The following SYT17 variants were observed in gnomAD, a reference collection of about 807,000 sequenced individuals.
SYT17 encodes the protein synaptotagmin-17.
Under a neutral mutation model 46.7 loss-of-function variants are expected in SYT17, and 22 were observed. That is an observed-to-expected ratio of 0.47 (90% CI 0.34 to 0.67). The LOEUF (loss-of-function observed/expected upper bound fraction) is 0.67, where lower values mean the gene tolerates loss of function less well. SYT17 is among the 30% of genes least tolerant of loss of function. The probability of loss-of-function intolerance (pLI) is 0.01; values close to 1 mark genes in which losing one functional copy is unlikely to be tolerated. For missense variants in SYT17, 519 were observed against 612.8 expected (o/e 0.85, Z 1.62); for synonymous variants, 251 against 248.4 (o/e 1.01, Z -0.10).
intron 5 of SYT17, among the ~76,000 whole-genome samples, chr16:19,184,820 T>C (rs935477852): frequency 2.0e-5 from 3 of 152,094 alleles, no homozygotes; most frequent in African/African-American, 7.2e-5. Flanking sequence ...CAGAAATTGA[T>C]TTTTTTGGGG....
chr16:19,222,686 G>A (rs546817226), intron 5 of SYT17, among the ~76,000 whole-genome samples: 2 of 152,298 alleles, frequency 1.3e-5, no homozygotes, highest in African/African-American at 4.8e-5. Flanking sequence ...AACCCTGTGA[G>A]CCTCGGTTTC....
At chr16:19,229,404 G>T (rs1966604134) in intron 7 of SYT17, among the ~76,000 whole-genome samples, 1 of 152,072 alleles carries the variant, frequency 6.6e-6, no homozygotes, top group Non-Finnish European at 1.5e-5. Flanking sequence ...GCCAGAGCAG[G>T]AGGAAGAGAG....
At chr16:19,172,214 T>A (rs1370815877) in intron 1 of SYT17, 3 of 565,400 alleles carry the variant, frequency 5.3e-6, no homozygotes, top group African/African-American at 2.0e-5. Context: ...GAGGACCAGA[T>A]TAGGGCTTCC....
chr16:19,215,607 G>A lies in SYT17; in HGVS notation c.952-7438G>A, dbSNP rs540040976. On this transcript the variant is annotated intron_variant, in intron 5 of 7. Transcript: ENST00000355377. ...TTTAATTTTTTTGTAGCAAAGTGGG[G>A]CATCTCACCATGTTTACCAGGCTGG... Among the ~76,000 whole-genome samples the A allele has an allele frequency of 4.6e-5, 7 of 152,084 alleles. No homozygotes were observed. In the East Asian group the frequency reaches 1.4e-3, roughly 29 times the overall value.
intron 5 of SYT17, among the ~76,000 whole-genome samples, chr16:19,205,887 C>T (rs1349162740): frequency 6.6e-6 from 1 of 152,134 alleles, no homozygotes; most frequent in African/African-American, 2.4e-5. Context: ...ATATTAATTT[C>T]CTTATTATGT....
At chr16:19,222,120 A>G (rs1401383024) in intron 5 of SYT17, among the ~76,000 whole-genome samples, 1 of 152,222 alleles carries the variant, frequency 6.6e-6, no homozygotes, top group Non-Finnish European at 1.5e-5. Flanking sequence ...TGCAGGTACA[A>G]TGACACCATA....
At chr16:19,198,589 T>G (rs1393485480) in intron 5 of SYT17, among the ~76,000 whole-genome samples, 1 of 152,198 alleles carries the variant, frequency 6.6e-6, no homozygotes, top group Non-Finnish European at 1.5e-5. Flanking sequence ...ACAGAAAGTT[T>G]GAGTAACTTA....
chr16:19,197,794 C>A lies in SYT17; in HGVS notation c.951+13647C>A, dbSNP rs146435379. On this transcript the variant is annotated intron_variant, in intron 5 of 7. Transcript: ENST00000355377. ...AGGAACCAGAGGTGATTTGGACCAA[C>A]TTTCCTGTTATGTAGACTAGAGAAC... Among the ~76,000 whole-genome samples, 7 of 152,248 alleles carry A rather than the reference C, an allele frequency of 4.6e-5. No individual in the cohort carries two copies. The East Asian group carries it at 1.3e-3, about 29-fold the overall frequency.
chr16:19,180,674 A>G lies in SYT17; in HGVS notation c.331+135A>G, dbSNP rs1596897795. On this transcript the variant is annotated intron_variant, in intron 4 of 7. Coordinates refer to ENST00000355377, the MANE Select transcript of SYT17 (RefSeq NM_016524.4). ...GGATGACAGTCCAGGAGACAGGGCG[A>G]GAGAGAGATAATGACGGTGTGACAG... 5.9e-6 allele frequency: 6 copies of G among 1,008,948 alleles called. No homozygotes were observed. In the East Asian group the frequency reaches 1.5e-4, roughly 26 times the overall value. 62.5% of individuals were successfully genotyped at this position (1,008,948 alleles called of 1,614,324 possible).
At chr16:19,244,427 G>A (rs556811690) in intron 7 of SYT17, among the ~76,000 whole-genome samples, 22 of 152,112 alleles carry the variant, frequency 1.4e-4, no homozygotes, top group African/African-American at 4.8e-4. Flanking sequence ...TTGAACTCCT[G>A]GGCTCAAGTG....
chr16:19,220,334 G>A (rs1473597688), intron 5 of SYT17, among the ~76,000 whole-genome samples: 6 of 86,574 alleles, frequency 6.9e-5, no homozygotes, highest in South Asian at 4.0e-4. Flanking sequence ...ATGAAGTCTC[G>A]CTCTGGTGCC....
intron 7 of SYT17, among the ~76,000 whole-genome samples, chr16:19,233,948 G>T (rs770840675): frequency 6.6e-6 from 1 of 152,158 alleles, no homozygotes; most frequent in Non-Finnish European, 1.5e-5. Flanking sequence ...GTGAGCACCA[G>T]ACTCAGCTCT....
chr16:19,223,601 A>T (rs1383201629), intron 6 of SYT17, among the ~76,000 whole-genome samples: 3 of 152,320 alleles, frequency 2.0e-5, no homozygotes, highest in Middle Eastern at 3.4e-3. Context: ...CCATTCAAAC[A>T]TGACTTTTAA....
chr16:19,218,878 C>T (rs971059352), intron 5 of SYT17, among the ~76,000 whole-genome samples: 1 of 152,170 alleles, frequency 6.6e-6, no homozygotes, highest in Non-Finnish European at 1.5e-5. Flanking sequence ...TTCCTCCCTC[C>T]CTCCATCCCA....
At chr16:19,182,956 CAG>C (rs1200031554) in intron 4 of SYT17, among the ~76,000 whole-genome samples, 1 of 152,168 alleles carries the variant, frequency 6.6e-6, no homozygotes, top group African/African-American at 2.4e-5. Flanking sequence ...GATGGGAAAA[CAG>C]AGTCCCAGAG....
chr16:19,209,089 G>C (rs1403203751), intron 5 of SYT17, among the ~76,000 whole-genome samples: 1 of 151,388 alleles, frequency 6.6e-6, no homozygotes, highest in Non-Finnish European at 1.5e-5. Flanking sequence ...GGCTGGTCTC[G>C]AACTTCTGAC....
chr16:19,180,381 C>T lies in SYT17; in HGVS notation c.183-10C>T, dbSNP rs370274377. ...CTGGACAGCTACTGAGACCTCTTCC[C>T]TTCCTATAGGATGGCCAGCCGGAGC... On this transcript the variant is annotated splice_polypyrimidine_tract_variant and intron_variant, in intron 3 of 7. Coordinates refer to ENST00000355377, the MANE Select transcript of SYT17 (RefSeq NM_016524.4). 1.3e-4 allele frequency: 215 copies of T among 1,613,918 alleles called. No individual in the cohort carries two copies. The highest frequency in any genetic ancestry group is 1.7e-4 in the Non-Finnish European group (201 of 1,179,956).
chr16:19,233,681 A>G (rs1295535927), intron 7 of SYT17, among the ~76,000 whole-genome samples: 2 of 152,022 alleles, frequency 1.3e-5, no homozygotes, highest in Non-Finnish European at 2.9e-5. Context: ...ATTAAAAATA[A>G]AAAGTGTTGG....
Position 19,183,518 on chromosome 16 carries a change from T to C in SYT17, c.332-10T>C. 6.2e-7 allele frequency: 1 copy of C among 1,612,266 alleles called. No homozygotes were observed. The highest frequency in any genetic ancestry group is 8.5e-7 in the Non-Finnish European group (1 of 1,178,532). The stretch of plus-strand genomic sequence containing the variant: ...TGGCTGTCTTCATTGTTATTTCTGG[T>C]GGCTCTCAGGTCTTGAGTCAAGACG... On this transcript the variant is annotated splice_polypyrimidine_tract_variant and intron_variant, in intron 4 of 7. Coordinates refer to ENST00000355377, the MANE Select transcript of SYT17 (RefSeq NM_016524.4). This position sits in a 1 kb window ranked among gnomAD's most constrained non-coding sequence, Gnocchi z 5.6.
Sources: gnomAD v4.1 joint callset for allele counts (sites outside exome capture counted in the v4.1 genomes callset) on GRCh38, gnomAD v4.1.1 for gene constraint, Gnocchi (gnomAD v3.1) non-coding constraint, MANE v1.5 for transcripts, NCBI Gene and HGNC (gene_info 2026-07-23, HGNC 2026-07-21) for gene names.